The following RAPGEF4 variants were observed in gnomAD, a reference collection of about 807,000 sequenced individuals.
The protein encoded by RAPGEF4 is Rap guanine nucleotide exchange factor 4.
Under a neutral mutation model 147.9 loss-of-function variants are expected in RAPGEF4, and 66 were observed. The ratio of observed to expected loss-of-function variants is 0.45; its 90% CI spans 0.37 to 0.55. The LOEUF (loss-of-function observed/expected upper bound fraction) is 0.55, where lower values mean the gene tolerates loss of function less well. Ranked by LOEUF, RAPGEF4 falls within the 20% of genes least tolerant of loss-of-function variation. RAPGEF4 has a pLI of 0.00. For missense variants in RAPGEF4, 1,071 were observed against 1,257.3 expected (o/e 0.85, Z 2.24); for synonymous variants, 419 against 442.7 (o/e 0.95, Z 0.67).
At chr2:172,787,849 G>A (rs1685378409) in intron 1 of RAPGEF4, among the ~76,000 whole-genome samples, 1 of 152,020 alleles carries the variant, frequency 6.6e-6, no homozygotes. Context: ...TGAACTGCTG[G>A]GCTCAAGCAA....
chr2:173,011,160 G>GCA (rs1559182849), intron 17 of RAPGEF4, among the ~76,000 whole-genome samples: 39 of 9,346 alleles, frequency 4.2e-3, no homozygotes, highest in Non-Finnish European at 7.1e-3. Flanking sequence ...TGGAACTTCA[G>GCA]CGCGCGCGCG....
Position 173,027,223 on chromosome 2 carries a change from T to C in RAPGEF4, c.2522T>C (p.Val841Ala). Reference protein sequence around the residue: ...ICLCSQLSKRVQLLKKFIKIA... With the variant: ...ICLCSQLSKRAQLLKKFIKIA... Reference sequence around the variant, plus strand: ...CTTTGTTCTCAGCTCAGCAAGCGTGTTCAGCTATTAAAAAAATTTATTAAG... The same window carrying C: ...CTTTGTTCTCAGCTCAGCAAGCGTGCTCAGCTATTAAAAAAATTTATTAAG... Residue 841 changes from valine (V) to alanine (A), a missense_variant, in exon 25 of 31, where the codon GTT becomes GCT. Coordinates refer to ENST00000397081, the MANE Select transcript of RAPGEF4 (RefSeq NM_007023.4). The C allele has an allele frequency of 2.5e-6, 4 of 1,600,320 alleles. No individual in the cohort carries two copies. The highest frequency in any genetic ancestry group is 3.4e-6 in the Non-Finnish European group (4 of 1,176,644).
intron 4 of RAPGEF4, among the ~76,000 whole-genome samples, chr2:172,915,272 A>G (rs1683938742): frequency 1.3e-5 from 2 of 152,252 alleles, no homozygotes; most frequent in Non-Finnish European, 2.9e-5. Context: ...TGAAACAATT[A>G]GAAAGTTTGA....
chr2:172,811,108 T>A (rs11900684), intron 3 of RAPGEF4, among the ~76,000 whole-genome samples: 20,310 of 152,234 alleles, frequency 0.13, 1,467 homozygotes, highest in South Asian at 0.2. Context: ...GGGGTGTTTA[T>A]CTTCCCACTC....
chr2:172,985,256 G>A (rs1321368434), intron 11 of RAPGEF4, among the ~76,000 whole-genome samples, 177 bp from the exon 12 acceptor site: 3 of 152,208 alleles, frequency 2.0e-5, no homozygotes, highest in Non-Finnish European at 2.9e-5. Context: ...AGCTTTAAAA[G>A]CCTAGCAGCA....
intron 4 of RAPGEF4, among the ~76,000 whole-genome samples, chr2:172,843,713 T>C (rs1234999425): frequency 7.6e-6 from 1 of 132,028 alleles, no homozygotes; most frequent in Non-Finnish European, 1.6e-5. Flanking sequence ...TGTATTTCAT[T>C]GCATACATAT....
At chr2:172,961,593 G>A (rs892424439) in intron 8 of RAPGEF4, among the ~76,000 whole-genome samples, 2 of 152,156 alleles carry the variant, frequency 1.3e-5, no homozygotes, top group Non-Finnish European at 2.9e-5. Flanking sequence ...GGTCCCTTTT[G>A]ATATATTAGC....
At chr2:172,892,294 G>C (rs3754763) in intron 4 of RAPGEF4, among the ~76,000 whole-genome samples, 2,903 of 152,278 alleles carry the variant, frequency 0.019, 60 homozygotes, top group East Asian at 0.1. Context: ...TTGGAATCAG[G>C]TTTTTACTTA....
chr2:172,794,247 C>T (rs1430142585), intron 1 of RAPGEF4, among the ~76,000 whole-genome samples: 8 of 146,836 alleles, frequency 5.4e-5, no homozygotes, highest in Middle Eastern at 3.7e-3. Flanking sequence ...GATGTAGTAG[C>T]GGGCGGCTGT....
intron 4 of RAPGEF4, among the ~76,000 whole-genome samples, chr2:172,868,395 GC>G (rs1177804325): frequency 6.6e-6 from 1 of 152,186 alleles, no homozygotes; most frequent in African/African-American, 2.4e-5. Flanking sequence ...TAGAATTAGA[GC>G]AGACTGCATA....
chr2:173,026,479 G>A, intron 23 of RAPGEF4, 93 bp from the exon 24 acceptor site: 1 of 1,363,966 alleles, frequency 7.3e-7, no homozygotes, highest in South Asian at 1.5e-5. Context: ...TCCATCTCCA[G>A]AATCCTTTCC....
At chr2:172,815,392 T>A (rs1348923254) in intron 4 of RAPGEF4, among the ~76,000 whole-genome samples, 1 of 152,252 alleles carries the variant, frequency 6.6e-6, no homozygotes, top group Non-Finnish European at 1.5e-5. Context: ...TGGTGAAACC[T>A]GTTACTTTTA....
chr2:172,826,041 C>T (rs1324491677), intron 4 of RAPGEF4, among the ~76,000 whole-genome samples: 2 of 152,128 alleles, frequency 1.3e-5, no homozygotes, highest in African/African-American at 4.8e-5. Flanking sequence ...GATTTCTTTT[C>T]TGGATATTTG....
chr2:173,033,853 A>C, intron 26 of RAPGEF4, 61 bp from the exon 27 acceptor site: 1 of 1,485,394 alleles, frequency 6.7e-7, no homozygotes, highest in Non-Finnish European at 9.4e-7. Context: ...ATGGTAACCC[A>C]TGATACATAT....
rs764931819 is a variant in RAPGEF4, at chr2:172,795,014, T to C, written c.66-11T>C. 1.9e-6 allele frequency: 3 copies of C among 1,603,224 alleles called. No individual in the cohort carries two copies. In the South Asian group the frequency reaches 3.4e-5, roughly 18 times the overall value. On this transcript the variant is annotated splice_polypyrimidine_tract_variant and intron_variant, in intron 1 of 30. Coordinates refer to ENST00000397081, the MANE Select transcript of RAPGEF4 (RefSeq NM_007023.4). ...ACTGACATAGCTTTTGTGCCTTTTC[T>C]CCCTATACAGACCACTGGAGCGATC...
At chr2:172,877,920 G>A (rs1696154564) in intron 4 of RAPGEF4, among the ~76,000 whole-genome samples, 1 of 152,170 alleles carries the variant, frequency 6.6e-6, no homozygotes, top group Non-Finnish European at 1.5e-5. Flanking sequence ...TAGATCCTCA[G>A]TATGTTTTGT....
At chr2:172,755,060 A>T (rs1695641631) in intron 1 of RAPGEF4, among the ~76,000 whole-genome samples, 2 of 151,940 alleles carry the variant, frequency 1.3e-5, no homozygotes, top group African/African-American at 4.8e-5. Flanking sequence ...AAATCCTCTT[A>T]TCTCTGGACA....
chr2:172,914,558 A>AGAGGGAGG (rs1029944194), intron 4 of RAPGEF4, among the ~76,000 whole-genome samples: 2 of 151,062 alleles, frequency 1.3e-5, no homozygotes, highest in Non-Finnish European at 3.0e-5. Context: ...ATGGAGGAAG[A>AGAGGGAGG]GAGGGAGGGA....
chr2:173,000,007 A>G (rs1575481612), intron 16 of RAPGEF4, among the ~76,000 whole-genome samples: 1 of 152,358 alleles, frequency 6.6e-6, no homozygotes, highest in East Asian at 1.9e-4. Context: ...TCCTGGGTGC[A>G]TATAAGCAAG....
Sources: gnomAD v4.1 joint callset for allele counts (sites outside exome capture counted in the v4.1 genomes callset) on GRCh38, gnomAD v4.1.1 for gene constraint, MANE v1.5 for transcripts, NCBI Gene and HGNC (gene_info 2026-07-23, HGNC 2026-07-21) for gene names.